PDE4D: variants seen among roughly 807,000 people sequenced by gnomAD.
PDE4D encodes the protein phosphodiesterase 4D.
Under a neutral mutation model 87.4 loss-of-function variants are expected in PDE4D, and 24 were observed. The observed-to-expected ratio is 0.27, with a 90% confidence interval of 0.20 to 0.39. The LOEUF (loss-of-function observed/expected upper bound fraction) is 0.39, where lower values mean the gene tolerates loss of function less well. Among genes scored for constraint, PDE4D ranks in the 10% least tolerant of loss-of-function variants. PDE4D has a pLI of 1.00. For missense variants in PDE4D, 714 were observed against 1,041.0 expected, an observed-to-expected ratio of 0.69 and a Z score of 4.32; for synonymous variants, 384 against 383.2, an observed-to-expected ratio of 1.00 and a Z score of -0.02.
At chr5:60,055,493 C>A (rs1189716138) in intron 2 of PDE4D, among the ~76,000 whole-genome samples, 1 of 151,960 alleles carries the variant, frequency 6.6e-6, no homozygotes, top group African/African-American at 2.4e-5. Context: ...CTAAACTATA[C>A]CAATAGCTTA....
At chr5:59,621,450 C>G (rs945143233) in intron 1 of PDE4D, among the ~76,000 whole-genome samples, 2 of 152,150 alleles carry the variant, frequency 1.3e-5, no homozygotes, top group African/African-American at 4.8e-5. Context: ...AGGAGTTCAC[C>G]CAGGTGAAGG....
chr5:59,014,514 G>A (rs1291755294), intron 6 of PDE4D, among the ~76,000 whole-genome samples: 1 of 152,050 alleles, frequency 6.6e-6, no homozygotes. Flanking sequence ...CAGACAAACA[G>A]CCAAATCATG....
chr5:60,091,700 C>T (rs1309931825), intron 2 of PDE4D, among the ~76,000 whole-genome samples: 2 of 152,160 alleles, frequency 1.3e-5, no homozygotes, highest in Non-Finnish European at 2.9e-5. Context: ...TATTACAGCA[C>T]TATCCACAAT....
chr5:59,608,206 G>A lies in PDE4D; in HGVS notation c.455+284962C>T, dbSNP rs73758823. ...TAATCCGAAAAGAACCCTGGTATGT[G>A]AAATCAGAGAGTGCTGACAAGGATG... On this transcript the variant is annotated intron_variant, in intron 1 of 14. Transcript: ENST00000340635. Among the ~76,000 whole-genome samples the A allele has an allele frequency of 9.9e-3, 1,509 of 152,186 alleles. 24 individuals are homozygous for A. The highest frequency in any genetic ancestry group is 0.033 in the African/African-American group (1,357 of 41,530).
intron 2 of PDE4D, among the ~76,000 whole-genome samples, chr5:60,111,398 C>T (rs1341399134): frequency 6.6e-6 from 1 of 151,726 alleles, no homozygotes; most frequent in East Asian, 1.9e-4. Flanking sequence ...ACAATGATCC[C>T]CAGGAAATTA....
intron 1 of PDE4D, among the ~76,000 whole-genome samples, chr5:59,230,081 C>T (rs1754829384): frequency 6.6e-6 from 1 of 152,208 alleles, no homozygotes; most frequent in Admixed American, 6.5e-5. Context: ...GCCACCGTAC[C>T]CAGCTGCACC....
chr5:59,450,605 C>T (rs1798996276), intron 1 of PDE4D, among the ~76,000 whole-genome samples: 1 of 152,226 alleles, frequency 6.6e-6, no homozygotes, highest in East Asian at 1.9e-4. Flanking sequence ...TCTGCAAAGA[C>T]TACAGCAAAC....
intron 1 of PDE4D, among the ~76,000 whole-genome samples, chr5:59,433,902 T>C (rs1365301258): frequency 2.6e-5 from 4 of 152,028 alleles, no homozygotes; most frequent in South Asian, 2.1e-4. Context: ...TTTCAATCCA[T>C]AGGACTTTTC....
intron 5 of PDE4D, among the ~76,000 whole-genome samples, chr5:59,090,677 C>G (rs1004173896): frequency 5.9e-5 from 9 of 151,820 alleles, no homozygotes; most frequent in African/African-American, 2.2e-4. Context: ...GGGTAGGAAA[C>G]AGCAACAACA....
At chr5:59,327,490 C>T (rs1775930698) in intron 1 of PDE4D, among the ~76,000 whole-genome samples, 1 of 152,028 alleles carries the variant, frequency 6.6e-6, no homozygotes, top group African/African-American at 2.4e-5. Flanking sequence ...CATGAGAGCA[C>T]TCAGAATTGT....
chr5:59,934,939 A>T (rs551743647), intron 3 of PDE4D, among the ~76,000 whole-genome samples: 20 of 152,296 alleles, frequency 1.3e-4, no homozygotes, highest in African/African-American at 4.6e-4. Flanking sequence ...ACAATTTTCA[A>T]TGTCAGAATA....
chr5:60,211,982 G>C (rs1158963276), intron 1 of PDE4D, among the ~76,000 whole-genome samples: 1 of 152,118 alleles, frequency 6.6e-6, no homozygotes, highest in Non-Finnish European at 1.5e-5. Flanking sequence ...CTGTGTTTTG[G>C]AGGCTTCAGA....
At position 59,712,781 on chromosome 5, in the gene PDE4D, T is replaced by G. The variant is rs373036689; in HGVS notation, c.455+180387A>C. Among the ~76,000 whole-genome samples the G allele has an allele frequency of 7.2e-5, 11 of 152,218 alleles. No individual in the cohort carries two copies. The East Asian group carries it at 1.2e-3, about 16-fold the overall frequency. On this transcript the variant is annotated intron_variant, in intron 1 of 14. Coordinates refer to ENST00000340635, the MANE Select transcript of PDE4D (RefSeq NM_001104631.2). ...AAGGTTCTGAGCAGGGGCCCAAGAT[T>G]TATGTTTCAGGCATAATAACATTGG... is the stretch of plus-strand genomic sequence containing the variant.
In PDE4D at chr5:60,458,979, TTGTG is replaced by T. The variant is rs56310406; in HGVS notation, c.-90+28959_-90+28962del. ...AAAGTGGTGTGATTTTGGTATAAGT[TTGTG>T]TGTGTGTGTGTGTGTGTGTTGTGTG... On this transcript the variant is annotated intron_variant, in intron 1 of 16. Coordinates refer to the PDE4D transcript ENST00000502484. 4.2e-4 allele frequency among the ~76,000 whole-genome samples: 62 copies of T among 148,668 alleles called. No homozygotes were observed. In the East Asian group the frequency reaches 4.9e-3, roughly 12 times the overall value.
intron 1 of PDE4D, among the ~76,000 whole-genome samples, chr5:60,280,782 A>G (rs1386273595): frequency 6.6e-6 from 1 of 152,220 alleles, no homozygotes; most frequent in East Asian, 1.9e-4. Flanking sequence ...AATAATATAT[A>G]GCAGGGCCAG....
chr5:59,510,786 A>C (rs1166802311), intron 1 of PDE4D, among the ~76,000 whole-genome samples: 2 of 151,940 alleles, frequency 1.3e-5, no homozygotes, highest in African/African-American at 4.8e-5. Flanking sequence ...CTCTTTAGTT[A>C]AGTGAAGCAA....
chr5:59,638,712 G>A (rs963622044), intron 1 of PDE4D, among the ~76,000 whole-genome samples: 2 of 151,802 alleles, frequency 1.3e-5, no homozygotes, highest in African/African-American at 4.8e-5. Flanking sequence ...AGAAATGTAA[G>A]GACAAAGCAC....
chr5:60,520,967 A>G (rs16878206), intron 1 of PDE4D: 58,357 of 152,342 alleles, frequency 0.38, 15,536 homozygotes, highest in African/African-American at 0.76. Context: ...GCAGACCTCC[A>G]TCACCAGCTT....
At chr5:59,896,054 T>C (rs916309099), upstream of PDE4D, among the ~76,000 whole-genome samples, 7 of 152,204 alleles carry the variant, frequency 4.6e-5, no homozygotes, top group African/African-American at 1.7e-4. Flanking sequence ...ATGTTATTGA[T>C]AGTAATAGTT....
Sources: gnomAD v4.1 joint callset for allele counts (sites outside exome capture counted in the v4.1 genomes callset) on GRCh38, gnomAD v4.1.1 for gene constraint, MANE v1.5 for transcripts, NCBI Gene and HGNC (gene_info 2026-07-23, HGNC 2026-07-21) for gene names.